Variants in AGBL4 observed in about 807,000 individuals in gnomAD.
AGBL4 encodes the protein AGBL carboxypeptidase 4, also known as cytosolic carboxypeptidase 6.
In AGBL4, 58 loss-of-function variants were observed where a neutral mutation model predicts 66.4. The observed-to-expected ratio is 0.87, with a 90% CI of 0.71 to 1.09. AGBL4 has a LOEUF of 1.09. AGBL4 is among the 50% of genes least tolerant of loss of function. The probability of loss-of-function intolerance (pLI) is 0.00; values close to 1 mark genes in which losing one functional copy is unlikely to be tolerated. For synonymous variants in AGBL4, 234 were observed against 222.9 expected (o/e 1.05, Z -0.44); for missense variants, 579 against 631.0 (o/e 0.92, Z 0.88).
chr1:48,727,226 C>T (rs1202713901), intron 6 of AGBL4, among the ~76,000 whole-genome samples: 4 of 152,166 alleles, frequency 2.6e-5, no homozygotes, highest in Non-Finnish European at 5.9e-5. Flanking sequence ...ACATTATCAC[C>T]CCGTCTTCAC....
At chr1:49,739,556 G>A (rs915289265) in intron 2 of AGBL4, among the ~76,000 whole-genome samples, 7 of 152,062 alleles carry the variant, frequency 4.6e-5, no homozygotes, top group Non-Finnish European at 8.8e-5. Flanking sequence ...TACTGAGAAC[G>A]CCACAAAGAT....
At chr1:49,510,598 T>C (rs1649135058) in intron 3 of AGBL4, among the ~76,000 whole-genome samples, 2 of 151,434 alleles carry the variant, frequency 1.3e-5, no homozygotes, top group African/African-American at 4.8e-5. Flanking sequence ...TTAGATCCCA[T>C]TTGTCAATTT....
At chr1:49,339,836 C>T (rs1206607118) in intron 3 of AGBL4, among the ~76,000 whole-genome samples, 1 of 152,122 alleles carries the variant, frequency 6.6e-6, no homozygotes, top group African/African-American at 2.4e-5. Flanking sequence ...GTCATGTATC[C>T]TCACTCCCTC....
At chr1:49,127,650 A>C (rs935093994) in intron 4 of AGBL4, among the ~76,000 whole-genome samples, 1 of 152,098 alleles carries the variant, frequency 6.6e-6, no homozygotes, top group African/African-American at 2.4e-5. Flanking sequence ...CAACTCCTAG[A>C]GATAACAGAG....
intron 3 of AGBL4, among the ~76,000 whole-genome samples, chr1:49,694,125 C>A (rs1646939622): frequency 6.6e-6 from 1 of 152,012 alleles, no homozygotes; most frequent in African/African-American, 2.4e-5. Context: ...TGGAGTCAGC[C>A]TGCAATGACT....
At chr1:50,014,089 A>C (rs763649527) in intron 1 of AGBL4, among the ~76,000 whole-genome samples, 1 of 152,132 alleles carries the variant, frequency 6.6e-6, no homozygotes, top group Non-Finnish European at 1.5e-5. Context: ...TGAGGTTTTA[A>C]AGGCCAGGTG....
chr1:48,769,133 G>A (rs1207332536), intron 6 of AGBL4, among the ~76,000 whole-genome samples: 6 of 152,284 alleles, frequency 3.9e-5, no homozygotes, highest in Non-Finnish European at 4.4e-5. Flanking sequence ...CTATGTGACC[G>A]CTGGCCAGTC....
intron 3 of AGBL4, among the ~76,000 whole-genome samples, chr1:49,554,256 C>T (rs1012097382): frequency 2.0e-5 from 3 of 152,154 alleles, no homozygotes; most frequent in Non-Finnish European, 4.4e-5. Flanking sequence ...CAGTGCTATG[C>T]AGAGAAGTTC....
At chr1:48,536,287 A>C (rs1643969646) in intron 12 of AGBL4, among the ~76,000 whole-genome samples, 1 of 152,162 alleles carries the variant, frequency 6.6e-6, no homozygotes, top group Admixed American at 6.5e-5. Flanking sequence ...ATAGGGCACG[A>C]GGTGACAGAA....
intron 3 of AGBL4, among the ~76,000 whole-genome samples, chr1:49,263,925 T>C (rs1176991577): frequency 6.6e-6 from 1 of 152,152 alleles, no homozygotes; most frequent in African/African-American, 2.4e-5. Context: ...TGTGGTTCAT[T>C]AGTACAAAAT....
chr1:49,569,054 G>A (rs1644273966), intron 3 of AGBL4, among the ~76,000 whole-genome samples: 1 of 152,196 alleles, frequency 6.6e-6, no homozygotes, highest in Admixed American at 6.5e-5. Context: ...AGCCATGAAA[G>A]AGAATGAAAT....
chr1:49,089,246 C>G (rs1644960451), intron 4 of AGBL4, among the ~76,000 whole-genome samples: 1 of 150,054 alleles, frequency 6.7e-6, no homozygotes, highest in African/African-American at 2.5e-5. Flanking sequence ...AAGAAATCAC[C>G]AAATTCAGAG....
Position 49,948,169 on chromosome 1 carries a change from AAT to A in AGBL4, c.34+75592_34+75593del, listed in dbSNP as rs1220382869. On this transcript the variant is annotated intron_variant, in intron 1 of 13. Coordinates refer to ENST00000371839, the MANE Select transcript of AGBL4 (RefSeq NM_032785.4). ...ATATATAAATATACGTAAATATATA[AAT>A]ATATATAACTATATATAAATATATA... Among the ~76,000 whole-genome samples the A allele has an allele frequency of 2.5e-3, 258 of 102,358 alleles. 2 individuals are homozygous for A. The highest frequency in any genetic ancestry group is 8.8e-3 in the Middle Eastern group (1 of 114). The allele number at this position is 102,358 out of a possible 152,430, so 67.2% of individuals were successfully genotyped here.
At chr1:48,735,376 T>G (rs572117033) in intron 6 of AGBL4, among the ~76,000 whole-genome samples, 1 of 149,386 alleles carries the variant, frequency 6.7e-6, no homozygotes, top group South Asian at 2.1e-4. Flanking sequence ...TGGCAAAGAA[T>G]GGATGGATGG....
intron 6 of AGBL4, among the ~76,000 whole-genome samples, chr1:48,768,881 C>T (rs768652636): frequency 7.2e-5 from 11 of 152,168 alleles, no homozygotes; most frequent in Admixed American, 1.3e-4. Context: ...AGTGCATTCT[C>T]TGGCCGATGG....
chr1:48,846,760 A>C (rs1181556523), intron 6 of AGBL4, among the ~76,000 whole-genome samples: 1 of 152,126 alleles, frequency 6.6e-6, no homozygotes, highest in Non-Finnish European at 1.5e-5. Flanking sequence ...GCTCAGCAGG[A>C]AAGAGTTTAC....
chr1:49,536,917 G>A (rs985856844), intron 3 of AGBL4, among the ~76,000 whole-genome samples: 1 of 151,614 alleles, frequency 6.6e-6, no homozygotes, highest in South Asian at 2.1e-4. Context: ...TGAGGCAGGA[G>A]AATCACTTAA....
At chr1:48,637,568 G>A (rs555074026) in intron 8 of AGBL4, among the ~76,000 whole-genome samples, 1 of 152,336 alleles carries the variant, frequency 6.6e-6, no homozygotes, top group South Asian at 2.1e-4. Context: ...TCAGGCACCA[G>A]CCACTCCTGC....
chr1:49,076,173 T>C (rs1239626563), intron 4 of AGBL4, among the ~76,000 whole-genome samples: 1 of 152,164 alleles, frequency 6.6e-6, no homozygotes, highest in African/African-American at 2.4e-5. Context: ...ATATTGGTAA[T>C]CACTACAGTT....
Sources: gnomAD v4.1 joint callset for allele counts (sites outside exome capture counted in the v4.1 genomes callset) on GRCh38, gnomAD v4.1.1 for gene constraint, MANE v1.5 for transcripts, NCBI Gene and HGNC (gene_info 2026-07-23, HGNC 2026-07-21) for gene names.